The following MAML3 variants were observed in gnomAD, a reference collection of about 807,000 sequenced individuals.
The protein encoded by MAML3 is mastermind-like protein 3.
MAML3 carries 27 observed loss-of-function variants against 101.9 expected under a neutral mutation model. The observed-to-expected ratio is 0.27, with a 90% CI of 0.20 to 0.37. The LOEUF (loss-of-function observed/expected upper bound fraction) is 0.37. Ranked by LOEUF, MAML3 falls within the 10% of genes least tolerant of loss-of-function variation. The pLI is 1.00. For synonymous variants in MAML3, 501 were observed against 555.9 expected (o/e 0.90, Z 1.39); for missense variants, 1,316 against 1,444.9 (o/e 0.91, Z 1.45).
At chr4:139,940,093 AC>A (rs1733574795) in intron 1 of MAML3, among the ~76,000 whole-genome samples, 3 of 151,958 alleles carry the variant, frequency 2.0e-5, no homozygotes, top group Admixed American at 2.0e-4. Context: ...CCAGTTTTGT[AC>A]CTCTACATGC....
chr4:139,991,675 T>C (rs1734675597), intron 1 of MAML3, among the ~76,000 whole-genome samples: 1 of 152,050 alleles, frequency 6.6e-6, no homozygotes, highest in African/African-American at 2.4e-5. Context: ...TTTACTGAGG[T>C]AAAATTTACA....
chr4:139,800,176 A>C (rs755504538), intron 2 of MAML3, among the ~76,000 whole-genome samples: 3 of 152,206 alleles, frequency 2.0e-5, no homozygotes, highest in Non-Finnish European at 4.4e-5. Flanking sequence ...TGTTACGTGC[A>C]TCAACCGAAG....
At chr4:139,829,841 T>C (rs568014350) in intron 2 of MAML3, among the ~76,000 whole-genome samples, 60 of 152,342 alleles carry the variant, frequency 3.9e-4, no homozygotes, top group African/African-American at 1.3e-3. Context: ...ATTTGGAATT[T>C]TATACACAGA....
At chr4:139,989,603 C>T (rs1268695570) in intron 1 of MAML3, among the ~76,000 whole-genome samples, 1 of 152,080 alleles carries the variant, frequency 6.6e-6, no homozygotes, top group East Asian at 1.9e-4. Context: ...CCCAGAAATG[C>T]TGCCTGCTTC....
intron 1 of MAML3, among the ~76,000 whole-genome samples, chr4:139,971,572 G>A (rs771528788): frequency 8.5e-5 from 13 of 152,086 alleles, no homozygotes; most frequent in Non-Finnish European, 1.8e-4. Flanking sequence ...AACCCCTAAT[G>A]ACTTATTTCC....
chr4:140,068,338 G>A (rs1727574443), intron 1 of MAML3, among the ~76,000 whole-genome samples: 1 of 152,122 alleles, frequency 6.6e-6, no homozygotes, highest in African/African-American at 2.4e-5. Flanking sequence ...AAATGCTTTG[G>A]AAAGCATATC....
chr4:140,058,131 A>C (rs1727384001), intron 1 of MAML3, among the ~76,000 whole-genome samples: 1 of 152,242 alleles, frequency 6.6e-6, no homozygotes, highest in African/African-American at 2.4e-5. Flanking sequence ...GTTAAAAGGT[A>C]CCATACCCTT....
chr4:139,822,769 C>G (rs1730996247), intron 2 of MAML3, among the ~76,000 whole-genome samples: 1 of 152,170 alleles, frequency 6.6e-6, no homozygotes, highest in Non-Finnish European at 1.5e-5. Context: ...GACAGGAATC[C>G]CAATTTCAGT....
At chr4:139,906,257 A>G (rs557441692) in intron 1 of MAML3, among the ~76,000 whole-genome samples, 4 of 152,280 alleles carry the variant, frequency 2.6e-5, no homozygotes, top group Admixed American at 2.6e-4. Flanking sequence ...CCTGCCCAGC[A>G]TGTATATATT....
intron 1 of MAML3, among the ~76,000 whole-genome samples, chr4:140,065,816 C>T (rs935272606): frequency 1.3e-5 from 2 of 152,120 alleles, no homozygotes; most frequent in African/African-American, 4.8e-5. Context: ...CTGCCCAGCC[C>T]ACCTCACCAC....
intron 1 of MAML3, among the ~76,000 whole-genome samples, chr4:140,051,200 T>C (rs72935742): frequency 2.6e-5 from 4 of 152,172 alleles, no homozygotes; most frequent in Non-Finnish European, 5.9e-5. Flanking sequence ...TACCCTAAAA[T>C]AGACACTGAG....
At chr4:139,993,645 A>T (rs1416221175) in intron 1 of MAML3, among the ~76,000 whole-genome samples, 1 of 151,822 alleles carries the variant, frequency 6.6e-6, no homozygotes, top group Non-Finnish European at 1.5e-5. Context: ...GGCCAACATG[A>T]TGAAACCTCG....
intron 1 of MAML3, among the ~76,000 whole-genome samples, chr4:139,977,360 A>G (rs1350644081): frequency 6.6e-6 from 1 of 152,076 alleles, no homozygotes; most frequent in African/African-American, 2.4e-5. Context: ...AGGGTGAGAA[A>G]CTCTGGCCTA....
At chr4:139,934,070 A>C (rs1037938541) in intron 1 of MAML3, among the ~76,000 whole-genome samples, 1 of 152,098 alleles carries the variant, frequency 6.6e-6, no homozygotes, top group African/African-American at 2.4e-5. Flanking sequence ...TTTGTGTGCC[A>C]ATGTGTGAAT....
chr4:139,880,896 G>A (rs1732205718), intron 2 of MAML3, among the ~76,000 whole-genome samples: 1 of 152,116 alleles, frequency 6.6e-6, no homozygotes, highest in African/African-American at 2.4e-5. Context: ...GAATAAAAAT[G>A]ACATAAATAT....
intron 1 of MAML3, among the ~76,000 whole-genome samples, chr4:140,140,420 T>G (rs1177720043): frequency 6.6e-6 from 1 of 152,212 alleles, no homozygotes; most frequent in Non-Finnish European, 1.5e-5. Flanking sequence ...AAGTTTTTAA[T>G]TTTATGTATA....
chr4:140,092,076 G>GTATATATATAAGTATATATA (rs367672054), intron 1 of MAML3, among the ~76,000 whole-genome samples: 1 of 64,022 alleles, frequency 1.6e-5, no homozygotes, highest in African/African-American at 3.9e-5. Flanking sequence ...ATATATATAC[G>GTATATATATAAGTATATATA]TATATATATA....
chr4:140,092,062 TTATATATATATACGTATATATATACG>T lies in MAML3; in HGVS notation c.468+60772_468+60797del, dbSNP rs1264558869. 7.9e-5 allele frequency among the ~76,000 whole-genome samples: 11 copies of T among 139,246 alleles called. No homozygotes were observed. In the South Asian group the frequency reaches 9.0e-4, roughly 11 times the overall value. 91.4% of individuals were successfully genotyped at this position (139,246 alleles called of 152,430 possible). On this transcript the variant is annotated intron_variant, in intron 1 of 4. Transcript: ENST00000509479. ...ATAGATCATTTTTGAGATAAAAACT[TTATATATATATACGTATATATATACG>T]TATATATATATATACGTATATATAT...
intron 2 of MAML3, among the ~76,000 whole-genome samples, chr4:139,772,240 CAAAAAAAAAA>C (rs1213721738): frequency 1.3e-4 from 5 of 39,266 alleles, no homozygotes; most frequent in African/African-American, 3.0e-4. Context: ...ACTCCGTTCT[CAAAAAAAAAA>C]AAAAAAAAAA....
Sources: allele counts gnomAD v4.1 joint callset (sites outside exome capture counted in the v4.1 genomes callset), GRCh38; gene constraint gnomAD v4.1.1; transcripts MANE v1.5; gene names NCBI Gene and HGNC (gene_info 2026-07-23, HGNC 2026-07-21).